The following PCED1B variants were observed in gnomAD, a reference collection of about 807,000 sequenced individuals.
PCED1B encodes the protein PC-esterase domain-containing protein 1B.
For missense variants in PCED1B, 573 were observed against 573.9 expected, an observed-to-expected ratio of 1.00 and a Z score of 0.02; for synonymous variants, 251 against 246.1, an observed-to-expected ratio of 1.02 and a Z score of -0.19.
intron 2 of PCED1B, among the ~76,000 whole-genome samples, chr12:47,180,629 G>A (rs144570421): frequency 3.4e-4 from 51 of 152,230 alleles, no homozygotes; most frequent in Admixed American, 1.6e-3. Flanking sequence ...CTTCTGCACC[G>A]CAAAAGAAAC....
At chr12:47,098,409 G>A (rs1022559125) in intron 1 of PCED1B, among the ~76,000 whole-genome samples, 4 of 152,136 alleles carry the variant, frequency 2.6e-5, no homozygotes, top group South Asian at 2.1e-4. Context: ...TATGAACAAA[G>A]GAAATCAGAC....
intron 3 of PCED1B, among the ~76,000 whole-genome samples, chr12:47,220,220 G>A (rs1476727167): frequency 3.3e-5 from 5 of 152,018 alleles, no homozygotes; most frequent in Non-Finnish European, 7.4e-5. Flanking sequence ...TGTCCAAGCT[G>A]GAGTGCAGTG....
intron 2 of PCED1B, among the ~76,000 whole-genome samples, chr12:47,183,375 C>T (rs1018933500): frequency 2.6e-5 from 4 of 152,094 alleles, no homozygotes; most frequent in African/African-American, 9.7e-5. Context: ...AAGTAGAGAC[C>T]TTTTGAGAAA....
At chr12:47,081,533 A>G (rs2137129895) in intron 1 of PCED1B, among the ~76,000 whole-genome samples, 1 of 152,350 alleles carries the variant, frequency 6.6e-6, no homozygotes, top group African/African-American at 2.4e-5. Flanking sequence ...TTTTATCATA[A>G]GAACACAGCC....
chr12:47,109,645 C>A (rs1939105701), intron 2 of PCED1B, among the ~76,000 whole-genome samples: 1 of 152,154 alleles, frequency 6.6e-6, no homozygotes, highest in South Asian at 2.1e-4. Context: ...TGTGTTCCCT[C>A]ATATTTATCT....
chr12:47,229,529 G>A (rs796507082), intron 3 of PCED1B, among the ~76,000 whole-genome samples: 50 of 152,242 alleles, frequency 3.3e-4, no homozygotes, highest in African/African-American at 1.2e-3. Flanking sequence ...CGTAGGCTGG[G>A]ATTGGGCCCA....
Position 47,183,061 on chromosome 12 carries a change from C to T in PCED1B, c.-525-33161C>T, listed in dbSNP as rs769268585. Among the ~76,000 whole-genome samples the T allele has an allele frequency of 5.3e-5, 8 of 151,510 alleles. 1 individual carries two copies. The highest frequency in any genetic ancestry group is 1.0e-4 in the Non-Finnish European group (7 of 67,914). The stretch of plus-strand genomic sequence containing the variant: ...CAAAGGATGATTTTTATTCTTTATA[C>T]CATTTGGAAAACAGGTGACATAAAG... On this transcript the variant is annotated intron_variant, in intron 2 of 3. Transcript: ENST00000546455.
At chr12:47,160,293 C>CTTTTTTTTTTTTTTTTTTTTTTTTTTT (rs59856338) in intron 2 of PCED1B, among the ~76,000 whole-genome samples, 50 of 69,240 alleles carry the variant, frequency 7.2e-4, no homozygotes, top group African/African-American at 1.2e-3. Context: ...TTTTCTTTTT[C>CTTTTTTTTTTTTTTTTTTTTTTTTTTT]TTTTTTTTTT....
chr12:47,228,733 C>T (rs1041560124), intron 3 of PCED1B, among the ~76,000 whole-genome samples: 10 of 151,738 alleles, frequency 6.6e-5, no homozygotes, highest in Non-Finnish European at 1.2e-4. Flanking sequence ...ATTAGCCGGG[C>T]ATGGTGATGC....
intron 2 of PCED1B, among the ~76,000 whole-genome samples, chr12:47,153,218 CG>C (rs1941063158): frequency 6.6e-6 from 1 of 151,434 alleles, no homozygotes; most frequent in Non-Finnish European, 1.5e-5. Context: ...GGTGTGGTGG[CG>C]GGCGCCTGTA....
At chr12:47,206,239 A>C (rs1307690908) in intron 2 of PCED1B, 2 of 152,178 alleles carry the variant, frequency 1.3e-5, no homozygotes, top group Non-Finnish European at 2.9e-5. Context: ...CATAATTTCT[A>C]ATCTTGTGGC....
chr12:47,190,810 G>A (rs1000508452), intron 2 of PCED1B, among the ~76,000 whole-genome samples: 7 of 152,212 alleles, frequency 4.6e-5, no homozygotes, highest in Non-Finnish European at 7.3e-5. Flanking sequence ...GGGTGCGAGA[G>A]GCACCTCTCA....
intron 2 of PCED1B, among the ~76,000 whole-genome samples, chr12:47,175,835 G>A (rs537710848): frequency 1.1e-4 from 17 of 151,898 alleles, no homozygotes; most frequent in African/African-American, 4.1e-4. Context: ...GCCTCCCAAA[G>A]TCCTGGGTTT....
intron 2 of PCED1B, among the ~76,000 whole-genome samples, chr12:47,109,511 A>G (rs1939101129): frequency 6.6e-6 from 1 of 152,188 alleles, no homozygotes; most frequent in African/African-American, 2.4e-5. Flanking sequence ...AGGAGATTTG[A>G]CATTTTAGGA....
intron 1 of PCED1B, among the ~76,000 whole-genome samples, chr12:47,103,222 G>T (rs940588109): frequency 6.6e-6 from 1 of 152,174 alleles, no homozygotes; most frequent in African/African-American, 2.4e-5. Flanking sequence ...CATATTTTGA[G>T]CAGATGCATA....
At chr12:47,228,332 T>C (rs1006180937) in intron 3 of PCED1B, among the ~76,000 whole-genome samples, 53 of 151,898 alleles carry the variant, frequency 3.5e-4, no homozygotes, top group Non-Finnish European at 1.3e-4. Flanking sequence ...CCTGCCTGGG[T>C]TCTTCTGAAT....
intron 2 of PCED1B, among the ~76,000 whole-genome samples, chr12:47,173,593 T>G (rs888826622): frequency 6.6e-6 from 1 of 152,134 alleles, no homozygotes; most frequent in Non-Finnish European, 1.5e-5. Flanking sequence ...TACTTTTTTT[T>G]TTTTCTTAAA....
intron 3 of PCED1B, among the ~76,000 whole-genome samples, chr12:47,217,733 C>T (rs184117069): frequency 0.077 from 11,767 of 151,918 alleles, 1,444 homozygotes; most frequent in African/African-American, 0.26. Context: ...CGCGACACCA[C>T]TCCCAGCTAA....
At chr12:47,228,088 C>A (rs1162138248) in intron 3 of PCED1B, among the ~76,000 whole-genome samples, 1 of 147,470 alleles carries the variant, frequency 6.8e-6, no homozygotes, top group Admixed American at 6.8e-5. Context: ...GGCTGGAGTT[C>A]AGTGATGCGA....
Sources: gnomAD v4.1 joint callset for allele counts (sites outside exome capture counted in the v4.1 genomes callset) on GRCh38, gnomAD v4.1.1 for gene constraint, MANE v1.5 for transcripts, NCBI Gene and HGNC (gene_info 2026-07-23, HGNC 2026-07-21) for gene names.